Variants in ATP11B observed in about 807,000 individuals in gnomAD.
The protein encoded by ATP11B is phospholipid-transporting ATPase IF.
A neutral mutation model predicts 157.8 loss-of-function variants in ATP11B; 81 were observed. The observed-to-expected ratio is 0.51, with a 90% confidence interval of 0.43 to 0.62. The LOEUF (loss-of-function observed/expected upper bound fraction) is 0.62, where lower values mean the gene tolerates loss of function less well. ATP11B is among the 20% of genes least tolerant of loss of function. The pLI, the probability that ATP11B is intolerant of heterozygous loss-of-function variation, is 0.00. For missense variants in ATP11B, 1,165 were observed against 1,402.2 expected (o/e 0.83, Z 2.70); for synonymous variants, 451 against 469.4 (o/e 0.96, Z 0.51).
intron 7 of ATP11B, among the ~76,000 whole-genome samples, chr3:182,841,874 G>A (rs1365700322): frequency 6.6e-6 from 1 of 150,380 alleles, no homozygotes; most frequent in Non-Finnish European, 1.5e-5. Flanking sequence ...AGCTACTCGG[G>A]AGACTGAGGC....
intron 8 of ATP11B, chr3:182,844,287 G>A (rs1719292557): frequency 6.6e-6 from 1 of 152,188 alleles, no homozygotes; most frequent in African/African-American, 2.4e-5. Flanking sequence ...TATCCATGGA[G>A]TGTACTCCAA....
At chr3:182,915,053 C>T (rs917088636) in intron 29 of ATP11B, 2 of 985,216 alleles carry the variant, frequency 2.0e-6, no homozygotes, top group Non-Finnish European at 2.4e-6. Flanking sequence ...GAAGAAGGCA[C>T]TACTCCTATC....
Position 182,793,793 on chromosome 3 carries a change from GC to G in ATP11B, c.27+12del, listed in dbSNP as rs1355333333. 5.8e-6 allele frequency: 8 copies of G among 1,385,468 alleles called. No individual in the cohort carries two copies. Among genetic ancestry groups the G allele is most frequent in the South Asian group, 4.4e-5 (3 of 67,582 alleles). 85.8% of individuals were successfully genotyped at this position (1,385,468 alleles called of 1,614,324 possible). A position where few individuals can be genotyped will look rare whatever the true frequency, so the allele number is the denominator to read the frequency against. The stretch of plus-strand genomic sequence containing the variant: ...CTGGATCCGGCAGCAGCTGGTAGGT[GC>G]CCCCGCCCCTCCACCTCCATTCGTC... On this transcript the variant is annotated splice_region_variant and intron_variant, in intron 1 of 29. Transcript: ENST00000323116.
chr3:182,823,403 T>C (rs906489071), intron 2 of ATP11B, among the ~76,000 whole-genome samples: 1 of 152,208 alleles, frequency 6.6e-6, no homozygotes, highest in Non-Finnish European at 1.5e-5. Context: ...TTTGTCAGGT[T>C]TGTCAAAGAT....
At chr3:182,853,233 G>A (rs1043417254) in intron 10 of ATP11B, among the ~76,000 whole-genome samples, 1 of 152,108 alleles carries the variant, frequency 6.6e-6, no homozygotes, top group African/African-American at 2.4e-5. Context: ...TTTTGAGACA[G>A]AGTCTCACTC....
intron 24 of ATP11B, among the ~76,000 whole-genome samples, chr3:182,888,570 G>A (rs1370348833): frequency 6.6e-6 from 1 of 152,010 alleles, no homozygotes; most frequent in Non-Finnish European, 1.5e-5. Flanking sequence ...ACCCAGGCTG[G>A]AGTGCAGTAG....
chr3:182,821,587 G>A (rs1376815123), intron 2 of ATP11B, among the ~76,000 whole-genome samples: 6 of 152,140 alleles, frequency 3.9e-5, no homozygotes, highest in African/African-American at 1.2e-4. Flanking sequence ...GCTAAAGACT[G>A]TAGAATAGTA....
At chr3:182,809,875 T>C (rs1354111531) in intron 1 of ATP11B, among the ~76,000 whole-genome samples, 1 of 152,168 alleles carries the variant, frequency 6.6e-6, no homozygotes, top group East Asian at 1.9e-4. Context: ...ATAGTAAGTA[T>C]TCAGTAAGTA....
intron 29 of ATP11B, 22 bp downstream of exon 29, chr3:182,914,016 C>A (rs754480871): frequency 6.2e-7 from 1 of 1,613,284 alleles, no homozygotes; most frequent in African/African-American, 1.3e-5. Flanking sequence ...CTCTAAGTAG[C>A]CTTTGCTGCA....
chr3:182,885,727 G>T (rs1350076769), intron 22 of ATP11B, among the ~76,000 whole-genome samples: 1 of 151,964 alleles, frequency 6.6e-6, no homozygotes, highest in Non-Finnish European at 1.5e-5. Flanking sequence ...GGAGTCAAGG[G>T]TTTTTTCATT....
intron 4 of ATP11B, among the ~76,000 whole-genome samples, chr3:182,833,272 T>C (rs1193239640): frequency 3.9e-5 from 6 of 152,094 alleles, no homozygotes; most frequent in African/African-American, 1.4e-4. Flanking sequence ...GTCTGAATAA[T>C]ATTAAAAGCA....
intron 1 of ATP11B, among the ~76,000 whole-genome samples, chr3:182,812,312 G>C (rs1300305214): frequency 3.9e-5 from 6 of 152,158 alleles, no homozygotes; most frequent in African/African-American, 7.2e-5. Flanking sequence ...ATGATTGTTG[G>C]GGGAGAAGGA....
intron 4 of ATP11B, among the ~76,000 whole-genome samples, chr3:182,830,165 G>A (rs1419729584): frequency 1.3e-5 from 2 of 151,932 alleles, no homozygotes; most frequent in Non-Finnish European, 2.9e-5. Flanking sequence ...TAAAAACTAT[G>A]TAGTTCAAAA....
chr3:182,889,275 T>A (rs1236760422), intron 24 of ATP11B, 135 bp from the exon 25 acceptor site: 2 of 629,948 alleles, frequency 3.2e-6, no homozygotes, highest in Non-Finnish European at 5.0e-6. Context: ...ATTTATTTAT[T>A]CTTTGTGCTA....
chr3:182,861,625 AC>A (rs1720848161), intron 12 of ATP11B, among the ~76,000 whole-genome samples: 1 of 152,192 alleles, frequency 6.6e-6, no homozygotes, highest in South Asian at 2.1e-4. Context: ...ATAGCTAGTA[AC>A]TGAGTTTTGG....
chr3:182,902,748 CTTCT>C (rs574539847), intron 28 of ATP11B, among the ~76,000 whole-genome samples: 221 of 152,090 alleles, frequency 1.5e-3, no homozygotes, highest in African/African-American at 4.9e-3. Flanking sequence ...AAATCCATTT[CTTCT>C]TTGAGAAGAA....
At chr3:182,841,607 T>C (rs1055887880) in intron 7 of ATP11B, among the ~76,000 whole-genome samples, 5 of 152,150 alleles carry the variant, frequency 3.3e-5, no homozygotes, top group African/African-American at 1.2e-4. Flanking sequence ...TAAGGACTGA[T>C]AAGTGTTTTT....
intron 6 of ATP11B, chr3:182,836,684 A>G (rs1718577541): frequency 3.9e-6 from 2 of 509,444 alleles, no homozygotes; most frequent in Non-Finnish European, 6.6e-6. Context: ...AGTTAAAAAC[A>G]GAAGGTGTTT....
At chr3:182,916,354 T>C in intron 29 of ATP11B, 3 of 985,336 alleles carry the variant, frequency 3.0e-6, no homozygotes, top group Non-Finnish European at 2.4e-6. Context: ...TCAAGAGTAA[T>C]GGGCATCACT....
Sources: gnomAD v4.1 joint callset for allele counts (sites outside exome capture counted in the v4.1 genomes callset) on GRCh38, gnomAD v4.1.1 for gene constraint, MANE v1.5 for transcripts, NCBI Gene and HGNC (gene_info 2026-07-23, HGNC 2026-07-21) for gene names.